Variants in ENC1 observed in about 807,000 individuals in gnomAD.
ENC1 encodes the protein ectoderm-neural cortex protein 1.
In ENC1, 19 loss-of-function variants were observed where a neutral mutation model predicts 40.9. The ratio of observed to expected loss-of-function variants is 0.46; its 90% confidence interval spans 0.32 to 0.68. ENC1 has a LOEUF of 0.68. ENC1 is among the 30% of genes least tolerant of loss of function. ENC1 has a pLI of 0.03. For missense variants in ENC1, 479 were observed against 737.5 expected (o/e 0.65, Z 4.06); for synonymous variants, 285 against 291.1 (o/e 0.98, Z 0.21).
rs374733947 is a variant in ENC1, at chr5:74,631,333, A to C, written c.*33-1341T>G. Among the ~76,000 whole-genome samples, 181 of 152,332 alleles carry C rather than the reference A, an allele frequency of 1.2e-3. 1 individual carries two copies. Among genetic ancestry groups the C allele is most frequent in the African/African-American group, 4.3e-3 (177 of 41,576 alleles). On this transcript the variant is annotated intron_variant, in intron 2 of 2. Coordinates refer to ENST00000302351, the MANE Select transcript of ENC1 (RefSeq NM_003633.4). ...ACCCACTGGCAGAGCAGCAGGAGGC[A>C]GATAAAACCTCCTAGGTGGATGAGC...
rs1460612296 is a variant in ENC1, at chr5:74,635,035, T to G, written c.1451A>C (p.Tyr484Ser). ...VPATCPQPWR[Y>S]TAAAVLGNQI... ...GTTCCCCAGCACAGCTGCTGCTGTG[T>G]AACGCCAGGGCTGGGGACAGGTGGC... is the stretch of plus-strand genomic sequence containing the variant. Residue 484 changes from tyrosine (Y) to serine (S), a missense_variant, in exon 2 of 3, where the codon TAC becomes TCC. Tyr to Ser is a moderately radical substitution (Grantham distance 144). Transcript: ENST00000302351. This position sits in a 1 kb window ranked among gnomAD's most constrained non-coding sequence, Gnocchi z 5.5. 2.5e-6 allele frequency: 4 copies of G among 1,614,214 alleles called. No homozygotes were observed. The East Asian group carries it at 8.9e-5, about 36-fold the overall frequency.
intron 1 of ENC1, among the ~76,000 whole-genome samples, chr5:74,639,049 G>A (rs1747722999): frequency 6.6e-6 from 1 of 152,188 alleles, no homozygotes; most frequent in Non-Finnish European, 1.5e-5. Context: ...GTATGTTCCA[G>A]GTTGGCCCAA....
rs77364052 is a variant in ENC1, at chr5:74,630,683, T to A, written c.*33-691A>T. ...GCCAGTGCTACAGAATCTACGTACA[T>A]CAAGTGTGAATATCAATTCAAAGTG... On this transcript the variant is annotated intron_variant, in intron 2 of 2. Transcript: ENST00000302351. Among the ~76,000 whole-genome samples the A allele has an allele frequency of 5.0e-4, 76 of 152,304 alleles. 1 individual carries two copies. In the East Asian group the frequency reaches 0.013, roughly 26 times the overall value.
intron 1 of ENC1, chr5:74,637,398 G>A (rs1386781793): frequency 6.6e-6 from 1 of 152,156 alleles, no homozygotes; most frequent in African/African-American, 2.4e-5. Flanking sequence ...CCACTGAAGA[G>A]TCCTAAAAGC....
rs1747308675 is a variant in ENC1, at chr5:74,629,258, G to A, written c.*767C>T. The A allele has an allele frequency of 6.8e-6, 1 of 147,960 alleles. No individual in the cohort carries two copies. The highest frequency in any genetic ancestry group is 1.5e-5 in the Non-Finnish European group (1 of 67,196). 9.2% of individuals were successfully genotyped at this position (147,960 alleles called of 1,614,324 possible). A position where few individuals can be genotyped will look rare whatever the true frequency, so the allele number is the denominator to read the frequency against. ...TTGTGCAGCAAAGCACATCTCAACA[G>A]CCACAAAATGTGCAAAACGTACAAC... On this transcript the variant is annotated 3_prime_UTR_variant, in exon 3 of 3. Coordinates refer to ENST00000302351, the MANE Select transcript of ENC1 (RefSeq NM_003633.4).
intron 2 of ENC1, among the ~76,000 whole-genome samples, chr5:74,633,093 C>T (rs540604444): frequency 6.6e-6 from 1 of 152,288 alleles, no homozygotes; most frequent in African/African-American, 2.4e-5. Context: ...ATTGTAGTTC[C>T]TCCAAAGCAG....
intron 1 of ENC1, 125 bp downstream of exon 1, chr5:74,640,182 C>A (rs1302874221): frequency 2.0e-5 from 3 of 152,200 alleles, no homozygotes; most frequent in African/African-American, 4.8e-5. Context: ...GCTCCCCTTG[C>A]CCTCTAGTCG....
At chr5:74,632,399 C>T (rs1056580884) in intron 2 of ENC1, 1 of 152,196 alleles carries the variant, frequency 6.6e-6, no homozygotes, top group Non-Finnish European at 1.5e-5. Context: ...CTACAAAAAA[C>T]CAGTTTGGTG....
chr5:74,635,721 G>T lies in ENC1; in HGVS notation c.765C>A (p.Leu255=). Residue 255 remains leucine, a synonymous_variant, in exon 2 of 3, where the codon CTC becomes CTA. Coordinates refer to ENST00000302351, the MANE Select transcript of ENC1 (RefSeq NM_003633.4). The surrounding 1 kb of genome is among the most constrained non-coding windows in gnomAD (Gnocchi z 5.5). ...CCTTACTCTTTCTCTGCTTGGTGAT[G>T]AGTTCCTCCATGGCCACATTCTCCA... The part of the protein sequence containing the change: ...YLMENVAMEE[L]ITKQRKSKEI... 6.2e-7 allele frequency: 1 copy of T among 1,614,162 alleles called. No individual in the cohort carries two copies. The highest frequency in any genetic ancestry group is 2.2e-5 in the East Asian group (1 of 44,876).
At chr5:74,638,289 C>T (rs1747683278) in intron 1 of ENC1, among the ~76,000 whole-genome samples, 1 of 152,232 alleles carries the variant, frequency 6.6e-6, no homozygotes, top group African/African-American at 2.4e-5. Flanking sequence ...CCTCCCCAAC[C>T]AGATGTGAGC....
chr5:74,631,194 A>ACAACAG (rs1747381816), intron 2 of ENC1, among the ~76,000 whole-genome samples: 1 of 152,128 alleles, frequency 6.6e-6, no homozygotes, highest in African/African-American at 2.4e-5. Context: ...AACAACAACA[A>ACAACAG]CAACAACAAA....
rs754768450 is a variant in ENC1, at chr5:74,636,209, T to C, written c.277A>G (p.Ile93Val). Residue 93 changes from isoleucine to valine, a missense_variant, in exon 2 of 3, where the codon ATC becomes GTC. Ile to Val is a conservative substitution (Grantham distance 29). Transcript: ENST00000302351. This position sits in a 1 kb window ranked among gnomAD's most constrained non-coding sequence, Gnocchi z 4.8. ...QDSEVNFDNS[I>V]HPEVLELLLD... ...AGCAGCTCCAAGACTTCTGGGTGGA[T>C]GGAATTGTCAAAGTTGACCTCACTG... is the stretch of plus-strand genomic sequence containing the variant. The C allele has an allele frequency of 2.5e-6, 4 of 1,614,030 alleles. No homozygotes were observed. Among genetic ancestry groups the C allele is most frequent in the Non-Finnish European group, 3.4e-6 (4 of 1,180,044 alleles).
Position 74,635,016 on chromosome 5 carries a change from C to T in ENC1, c.1470G>A (p.Leu490=). ...CCCCCATAATAAAAATCTGGTTCCCCAGCACAGCTGCTGCTGTGTAACGCC... is the reference window on the plus strand; with the variant it reads ...CCCCCATAATAAAAATCTGGTTCCCTAGCACAGCTGCTGCTGTGTAACGCC... The part of the protein sequence containing the change: ...QPWRYTAAAV[L]GNQIFIMGGD... The change falls in exon 2 of 3, where the codon CTG becomes CTA. Residue 490 remains leucine (L), a synonymous_variant. Coordinates refer to ENST00000302351, the MANE Select transcript of ENC1 (RefSeq NM_003633.4). The surrounding 1 kb of genome is among the most constrained non-coding windows in gnomAD (Gnocchi z 5.5). 1 of 1,614,206 alleles carries T rather than the reference C, an allele frequency of 6.2e-7. No individual in the cohort carries two copies. The highest frequency in any genetic ancestry group is 8.5e-7 in the Non-Finnish European group (1 of 1,180,026).
chr5:74,635,791 A>G lies in ENC1; in HGVS notation c.695T>C (p.Leu232Pro). 1 of 1,614,088 alleles carries G rather than the reference A, an allele frequency of 6.2e-7. No homozygotes were observed. Among genetic ancestry groups the G allele is most frequent in the Non-Finnish European group, 8.5e-7 (1 of 1,180,014 alleles). ...AAGTGCCAGCCTTACTGTCTGCAAC[A>G]GTTCTGGGAGGTAGCAATAGCGCTT... ...LKKRYCYLPE[L>P]LQTVRLALLP... Residue 232 changes from leucine to proline, a missense_variant, in exon 2 of 3, where the codon CTG becomes CCG. Coordinates refer to ENST00000302351, the MANE Select transcript of ENC1 (RefSeq NM_003633.4). This position sits in a 1 kb window ranked among gnomAD's most constrained non-coding sequence, Gnocchi z 5.5.
At position 74,635,497 on chromosome 5, in the gene ENC1, C is replaced by G. The variant is rs1468630952; in HGVS notation, c.989G>C (p.Arg330Thr). The G allele has an allele frequency of 6.2e-7, 1 of 1,614,198 alleles. No individual in the cohort carries two copies. The highest frequency in any genetic ancestry group is 1.3e-5 in the African/African-American group (1 of 75,070). The change falls in exon 2 of 3, where the codon AGA becomes ACA. Residue 330 changes from arginine to threonine, a missense_variant. Physicochemically the swap from Arg to Thr is moderately conservative, Grantham distance 71. Transcript: ENST00000302351. This position sits in a 1 kb window ranked among gnomAD's most constrained non-coding sequence, Gnocchi z 5.5. ...IIPKADIPSP[R>T]KEFSACAIGC... ...AATCGCACATGCACTAAACTCTTTT[C>G]TTGGGCTGGGAATGTCAGCCTTGGG... is the stretch of plus-strand genomic sequence containing the variant.
chr5:74,630,113 G>A (rs1747342680), intron 2 of ENC1, 121 bp from the exon 3 acceptor site: 1 of 152,120 alleles, frequency 6.6e-6, no homozygotes, highest in Non-Finnish European at 1.5e-5. Flanking sequence ...AACTTGGTAT[G>A]GAGCTGGACA....
At chr5:74,631,461 C>T (rs1171298778) in intron 2 of ENC1, among the ~76,000 whole-genome samples, 2 of 152,152 alleles carry the variant, frequency 1.3e-5, no homozygotes, top group Non-Finnish European at 2.9e-5. Context: ...GACCCACCTA[C>T]CCAGCACTTT....
intron 2 of ENC1, chr5:74,632,332 T>C (rs946707443): frequency 5.9e-5 from 9 of 152,216 alleles, no homozygotes; most frequent in African/African-American, 2.2e-4. Flanking sequence ...ATATCTCAAA[T>C]GAAATAACCA....
At chr5:74,639,804 A>C (rs946760875) in intron 1 of ENC1, among the ~76,000 whole-genome samples, 2 of 152,236 alleles carry the variant, frequency 1.3e-5, no homozygotes, top group African/African-American at 2.4e-5. Flanking sequence ...CTAGTTTTTC[A>C]GAAAGCAGTT....
Sources: gnomAD v4.1 joint callset for allele counts (sites outside exome capture counted in the v4.1 genomes callset) on GRCh38, gnomAD v4.1.1 for gene constraint, Gnocchi (gnomAD v3.1) non-coding constraint, MANE v1.5 for transcripts, NCBI Gene and HGNC (gene_info 2026-07-23, HGNC 2026-07-21) for gene names.